The following OR2AJ1 variants were observed in gnomAD, a reference collection of about 807,000 sequenced individuals.
OR2AJ1 encodes the protein olfactory receptor family 2 subfamily AJ member 1.
For synonymous variants in OR2AJ1, 105 were observed against 60.3 expected (o/e 1.74, Z -3.44); for missense variants, 280 against 163.2 (o/e 1.72, Z -3.90).
rs1248896448 is a variant in OR2AJ1 at position 247,934,061 on chromosome 1, G to A, written c.293G>A (p.Gly98Glu). Residue 98 changes from glycine (G) to glutamate (E), a missense_variant, in exon 2 of 2, where the codon GGG becomes GAG. By Grantham distance (98) the Gly-to-Glu change is moderately conservative. Coordinates refer to ENST00000318244, the MANE Select transcript of OR2AJ1 (RefSeq NM_001355235.2). ...GSRTISFAGCGFQVFLSLTLL... is the reference protein window; with the variant it reads ...GSRTISFAGCEFQVFLSLTLL... ...AGAACTATTTCATTTGCAGGTTGTGGGTTCCAGGTATTTCTGTCCCTCACC... is the reference window on the plus strand; with the variant it reads ...AGAACTATTTCATTTGCAGGTTGTGAGTTCCAGGTATTTCTGTCCCTCACC... 2.8e-6 allele frequency: 2 copies of A among 717,672 alleles called. No homozygotes were observed. The highest frequency in any genetic ancestry group is 2.7e-5 in the East Asian group (1 of 37,284). 44.5% of individuals were successfully genotyped at this position (717,672 alleles called of 1,614,324 possible). A position where few individuals can be genotyped will look rare whatever the true frequency, so the allele number is the denominator to read the frequency against.
chr1:247,934,497 C>A lies in OR2AJ1; in HGVS notation c.729C>A (p.Phe243Leu). 1 of 717,544 alleles carries A rather than the reference C, an allele frequency of 1.4e-6. No individual in the cohort carries two copies. 44.4% of individuals were successfully genotyped at this position (717,544 alleles called of 1,614,324 possible). A position where few individuals can be genotyped will look rare whatever the true frequency, so the allele number is the denominator to read the frequency against. ...ARKKSFSTCSFHMIVVTMYYG... is the reference protein window; with the variant it reads ...ARKKSFSTCSLHMIVVTMYYG... ...AAAAGTCATTTTCCACTTGTTCCTT[C>A]CACATGATTGTGGTCACGATGTACT... Residue 243 changes from phenylalanine (F) to leucine (L), a missense_variant, in exon 2 of 2, where the codon TTC becomes TTA. Coordinates refer to ENST00000318244, the MANE Select transcript of OR2AJ1 (RefSeq NM_001355235.2).
chr1:247,929,695 G>C (rs192409058), intron 1 of OR2AJ1, among the ~76,000 whole-genome samples: 3 of 151,502 alleles, frequency 2.0e-5, no homozygotes, highest in Non-Finnish European at 2.9e-5. Context: ...GGCAGGTACT[G>C]TCATGATCTT....
In OR2AJ1 at chr1:247,933,956, T is replaced by C. The variant is rs1166735793; in HGVS notation, c.188T>C (p.Leu63Pro). 1 of 717,682 alleles carries C rather than the reference T, an allele frequency of 1.4e-6. No individual in the cohort carries two copies. Among genetic ancestry groups the C allele is most frequent in the East Asian group, 2.7e-5 (1 of 37,286 alleles). The allele number at this position is 717,682 out of a possible 1,614,324, so 44.5% of individuals were successfully genotyped here. The change falls in exon 2 of 2, where the codon CTC becomes CCC. Residue 63 changes from leucine to proline, a missense_variant. By Grantham distance (98) the Leu-to-Pro change is moderately conservative (BLOSUM62 -3). Transcript: ENST00000318244. ...SRLHTPMYFL[L>P]SHLSLMDILH... ...CTCCACACTCCAATGTATTTTCTGC[T>C]CAGCCATCTCTCCTTAATGGATATC...
At chr1:247,928,495 G>T (rs1044845801) in intron 1 of OR2AJ1, among the ~76,000 whole-genome samples, 3 of 152,168 alleles carry the variant, frequency 2.0e-5, no homozygotes, top group African/African-American at 7.2e-5. Flanking sequence ...TGTGCAGAAG[G>T]TGTTTAGTTT....
At chr1:247,927,295 C>T (rs1466878687) in intron 1 of OR2AJ1, among the ~76,000 whole-genome samples, 1 of 152,088 alleles carries the variant, frequency 6.6e-6, no homozygotes, top group Non-Finnish European at 1.5e-5. Flanking sequence ...GCATTAAGTG[C>T]ATAATAAGAG....
intron 1 of OR2AJ1, among the ~76,000 whole-genome samples, chr1:247,928,820 C>T (rs759919831): frequency 6.6e-6 from 1 of 152,118 alleles, no homozygotes; most frequent in African/African-American, 2.4e-5. Context: ...ATGGGCCGGG[C>T]GCGGTGCCTC....
chr1:247,931,488 G>GA (rs1319043591), intron 1 of OR2AJ1, among the ~76,000 whole-genome samples: 2 of 152,110 alleles, frequency 1.3e-5, no homozygotes, highest in African/African-American at 2.4e-5. Flanking sequence ...CAAGAGATAT[G>GA]AAAAAAAGTT....
chr1:247,925,999 A>G (rs895803277), intron 1 of OR2AJ1, among the ~76,000 whole-genome samples: 4 of 152,330 alleles, frequency 2.6e-5, no homozygotes, highest in African/African-American at 7.2e-5. Context: ...TTCTAATATA[A>G]TCTGCATACA....
Position 247,933,986 on chromosome 1 carries a change from A to G in OR2AJ1, c.218A>G (p.His73Arg). 2.8e-6 allele frequency: 2 copies of G among 717,638 alleles called. No individual in the cohort carries two copies. Among genetic ancestry groups the G allele is most frequent in the Non-Finnish European group, 5.2e-6 (2 of 385,118 alleles). 44.5% of individuals were successfully genotyped at this position (717,638 alleles called of 1,614,324 possible). A position where few individuals can be genotyped will look rare whatever the true frequency, so the allele number is the denominator to read the frequency against. The change falls in exon 2 of 2, where the codon CAT becomes CGT. Residue 73 changes from histidine (H) to arginine (R), a missense_variant. Physicochemically the swap from His to Arg is conservative, Grantham distance 29 (BLOSUM62 0). Transcript: ENST00000318244. ...CATCTCTCCTTAATGGATATCTTGC[A>G]TGTTTCCAACATCGTTCCCAAAATG... The part of the protein sequence containing the change: ...LSHLSLMDIL[H>R]VSNIVPKMVT...
At chr1:247,929,453 T>A (rs747110320) in intron 1 of OR2AJ1, among the ~76,000 whole-genome samples, 6 of 152,176 alleles carry the variant, frequency 3.9e-5, no homozygotes, top group African/African-American at 4.8e-5. Context: ...TCCCCTGGTA[T>A]ATAACCCCTT....
chr1:247,926,906 C>T (rs1458492752), intron 1 of OR2AJ1, among the ~76,000 whole-genome samples: 1 of 152,196 alleles, frequency 6.6e-6, no homozygotes, highest in African/African-American at 2.4e-5. Flanking sequence ...CCCCTGTATT[C>T]TGCAGCGTTC....
Position 247,934,257 on chromosome 1 carries a change from A to C in OR2AJ1, c.489A>C (p.Ala163=), listed in dbSNP as rs1414783344. The C allele has an allele frequency of 6.9e-6, 5 of 722,496 alleles. No individual in the cohort carries two copies. Among genetic ancestry groups the C allele is most frequent in the Non-Finnish European group, 1.0e-5 (4 of 388,010 alleles). The allele number at this position is 722,496 out of a possible 1,614,324, so 44.8% of individuals were successfully genotyped here. A position where few individuals can be genotyped will look rare whatever the true frequency, so the allele number is the denominator to read the frequency against. ...VFNSTVHTAY[A]LQFPFCGSRA... ...ACTCCACAGTCCACACAGCTTATGC[A>C]CTGCAGTTTCCCTTCTGTGGCTCTA... is the stretch of plus-strand genomic sequence containing the variant. The change falls in exon 2 of 2, where the codon GCA becomes GCC. Residue 163 remains alanine, a synonymous_variant. Coordinates refer to ENST00000318244, the MANE Select transcript of OR2AJ1 (RefSeq NM_001355235.2).
At position 247,934,868 on chromosome 1, in the gene OR2AJ1, T is replaced by C; in HGVS notation, c.*113T>C. Reference sequence around the variant, plus strand: ...ATTGTTAATAATAAACAATAATATGTGTTTGTGTTGTAAACACGTACCTCT... The same window carrying C: ...ATTGTTAATAATAAACAATAATATGCGTTTGTGTTGTAAACACGTACCTCT... On this transcript the variant is annotated 3_prime_UTR_variant, in exon 2 of 2. Coordinates refer to ENST00000318244, the MANE Select transcript of OR2AJ1 (RefSeq NM_001355235.2). 1 of 593,274 alleles carries C rather than the reference T, an allele frequency of 1.7e-6. No homozygotes were observed. Among genetic ancestry groups the C allele is most frequent in the Non-Finnish European group, 3.0e-6 (1 of 336,240 alleles). The allele number at this position is 593,274 out of a possible 1,614,324, so 36.8% of individuals were successfully genotyped here.
Position 247,933,854 on chromosome 1 carries a change from T to A in OR2AJ1, c.86T>A (p.Leu29Ter). The change falls in exon 2 of 2, where the codon TTA becomes TAA. Residue 29 changes from leucine (L) to a stop codon, truncating the protein, a stop_gained. Transcript: ENST00000318244. LOFTEE classifies it low-confidence loss of function (END_TRUNC). ...SSSPTSVVFF[L>*]VLFVIFIMSV... ...TCCCCAACAAGTGTGGTCTTCTTCTTAGTTTTATTTGTCATTTTCATTATG... is the reference window on the plus strand; with the variant it reads ...TCCCCAACAAGTGTGGTCTTCTTCTAAGTTTTATTTGTCATTTTCATTATG... The A allele has an allele frequency of 1.5e-6, 1 of 684,334 alleles. No homozygotes were observed. The highest frequency in any genetic ancestry group is 2.1e-5 in the Admixed American group (1 of 46,612). 42.4% of individuals were successfully genotyped at this position (684,334 alleles called of 1,614,324 possible). A position where few individuals can be genotyped will look rare whatever the true frequency, so the allele number is the denominator to read the frequency against.
intron 1 of OR2AJ1, among the ~76,000 whole-genome samples, chr1:247,929,812 G>A (rs1660133225): frequency 6.6e-6 from 1 of 152,036 alleles, no homozygotes; most frequent in African/African-American, 2.4e-5. Flanking sequence ...TTGGGATATT[G>A]CATTTCCATT....
chr1:247,927,039 T>C (rs923704882), intron 1 of OR2AJ1, among the ~76,000 whole-genome samples: 4 of 152,364 alleles, frequency 2.6e-5, no homozygotes, highest in East Asian at 3.9e-4. Flanking sequence ...TTGGGTGATA[T>C]CTATTTCATG....
intron 1 of OR2AJ1, among the ~76,000 whole-genome samples, chr1:247,927,266 C>A (rs79356174): frequency 6.6e-6 from 1 of 151,958 alleles, no homozygotes; most frequent in Non-Finnish European, 1.5e-5. Context: ...ATAAGAAAAT[C>A]GTTTTCTTTT....
chr1:247,928,936 T>TA (rs1234067839), intron 1 of OR2AJ1, among the ~76,000 whole-genome samples: 3 of 151,908 alleles, frequency 2.0e-5, no homozygotes, highest in Admixed American at 6.5e-5. Flanking sequence ...CTACTAAAAA[T>TA]AAAAAAAATT....
intron 1 of OR2AJ1, among the ~76,000 whole-genome samples, chr1:247,926,241 T>C (rs946427789): frequency 3.9e-5 from 6 of 152,194 alleles, no homozygotes; most frequent in African/African-American, 1.4e-4. Flanking sequence ...ATGTTACTTA[T>C]TATATTATTT....
Sources: gnomAD v4.1 joint callset for allele counts (sites outside exome capture counted in the v4.1 genomes callset) on GRCh38, gnomAD v4.1.1 for gene constraint, MANE v1.5 for transcripts, NCBI Gene and HGNC (gene_info 2026-07-23, HGNC 2026-07-21) for gene names.